Variants in PAH observed in about 807,000 individuals in gnomAD.
PAH encodes phenylalanine hydroxylase.
A neutral mutation model predicts 62.0 loss-of-function variants in PAH; 64 were observed. That is an observed-to-expected ratio of 1.03 (90% CI 0.84 to 1.27). PAH has a LOEUF of 1.27. PAH is among the 50% of genes most tolerant of loss of function. PAH has a pLI of 0.00. For missense variants in PAH, 579 were observed against 542.8 expected (o/e 1.07, Z -0.66); for synonymous variants, 195 against 196.2 (o/e 0.99, Z 0.05).
At chr12:102,911,728 C>T (rs949623972) in intron 2 of PAH, among the ~76,000 whole-genome samples, 1 of 152,204 alleles carries the variant, frequency 6.6e-6, no homozygotes, top group African/African-American at 2.4e-5. Flanking sequence ...ACCCACAGTG[C>T]TGAGAACATC....
chr12:102,955,064 T>A (rs1438263022), upstream of PAH, among the ~76,000 whole-genome samples: 1 of 152,224 alleles, frequency 6.6e-6, no homozygotes, highest in African/African-American at 2.4e-5. Context: ...CTGGCGGTTT[T>A]GGCCAGAAGG....
chr12:102,918,212 A>G (rs2136735725), upstream of PAH, among the ~76,000 whole-genome samples: 1 of 152,346 alleles, frequency 6.6e-6, no homozygotes. Flanking sequence ...CCACACTTTT[A>G]GAGAAGACTG....
chr12:102,958,290 C>T lies in PAH; in HGVS notation c.-191G>A, dbSNP rs1448434640. ...GGAGAGCGGCGGCGCCGGCCAGCAG[C>T]CCCAGCCGCAGCCCCAGCAGCCCTT... On this transcript the variant is annotated 5_prime_UTR_variant, in exon 1 of 5. Transcript: ENST00000551337. 4.7e-6 allele frequency: 7 copies of T among 1,479,164 alleles called. No homozygotes were observed. In the Middle Eastern group the frequency reaches 8.8e-4, roughly 186 times the overall value. The allele number at this position is 1,479,164 out of a possible 1,614,324, so 91.6% of individuals were successfully genotyped here. A position where few individuals can be genotyped will look rare whatever the true frequency, so the allele number is the denominator to read the frequency against.
At chr12:102,920,596 C>T (rs1464291394), upstream of PAH, among the ~76,000 whole-genome samples, 1 of 152,196 alleles carries the variant, frequency 6.6e-6, no homozygotes, top group South Asian at 2.1e-4. Flanking sequence ...TGACCCTTCT[C>T]TTGTTTTTTT....
chr12:102,942,374 A>T (rs1879326490), intron 1 of PAH, among the ~76,000 whole-genome samples: 1 of 152,190 alleles, frequency 6.6e-6, no homozygotes, highest in Non-Finnish European at 1.5e-5. Flanking sequence ...GAGGTGAAAG[A>T]TCTCTACAAT....
At chr12:102,950,207 CCT>C (rs1441307618) in intron 1 of PAH, 1 of 152,238 alleles carries the variant, frequency 6.6e-6, no homozygotes, top group Non-Finnish European at 1.5e-5. Context: ...TCCTTCTCTT[CCT>C]CTCTCTTCCT....
intron 1 of PAH, among the ~76,000 whole-genome samples, chr12:102,947,767 C>G (rs1453493552): frequency 3.3e-5 from 5 of 152,106 alleles, no homozygotes; most frequent in Admixed American, 3.3e-4. Context: ...AAAAAAGAAC[C>G]AGTAAGAAAT....
At chr12:102,895,869 A>AAAAAAAAAAATATATATATAT (rs953209518) in intron 2 of PAH, among the ~76,000 whole-genome samples, 1 of 118,742 alleles carries the variant, frequency 8.4e-6, no homozygotes, top group African/African-American at 3.6e-5. Context: ...AAAAAAAAAA[A>AAAAAAAAAAATATATATATAT]ATATATATAT....
intron 1 of PAH, among the ~76,000 whole-genome samples, 158 bp from the exon 2 acceptor site, chr12:102,913,056 T>C (rs1165891205): frequency 6.6e-6 from 1 of 152,156 alleles, no homozygotes; most frequent in African/African-American, 2.4e-5. Flanking sequence ...TGTAGTGTGG[T>C]GGAAAATAAG....
chr12:102,841,629 A>T (rs899747520), intron 11 of PAH, among the ~76,000 whole-genome samples: 2 of 152,216 alleles, frequency 1.3e-5, no homozygotes, highest in African/African-American at 4.8e-5. Flanking sequence ...TTCATGAAGA[A>T]CAAATGGCCA....
intron 11 of PAH, among the ~76,000 whole-genome samples, chr12:102,842,930 A>G (rs1308853023): frequency 6.6e-6 from 1 of 152,196 alleles, no homozygotes; most frequent in Non-Finnish European, 1.5e-5. Flanking sequence ...ATTCATGTCC[A>G]GGTGGACCCT....
At chr12:102,926,913 A>C (rs1458979657) in intron 1 of PAH, among the ~76,000 whole-genome samples, 2 of 148,720 alleles carry the variant, frequency 1.3e-5, no homozygotes, top group East Asian at 3.8e-4. Flanking sequence ...GCTTGAAGTC[A>C]GTCATAGAGT....
intron 8 of PAH, among the ~76,000 whole-genome samples, chr12:102,848,315 A>C (rs930692581): frequency 2.1e-5 from 3 of 142,050 alleles, no homozygotes; most frequent in African/African-American, 9.3e-5. Context: ...ACACCAGGAG[A>C]CTGGAGAGGT....
chr12:102,879,060 G>A (rs553750773), intron 3 of PAH, among the ~76,000 whole-genome samples: 17 of 152,152 alleles, frequency 1.1e-4, no homozygotes, highest in Middle Eastern at 3.4e-3. Context: ...ATCAGCATGC[G>A]GTCTGGCTTA....
chr12:102,900,200 T>C (rs61942044), intron 2 of PAH, among the ~76,000 whole-genome samples: 49,058 of 151,164 alleles, frequency 0.32, 8,523 homozygotes, highest in Admixed American at 0.44. Context: ...CTGGCACCTG[T>C]CACCACGCCT....
intron 3 of PAH, among the ~76,000 whole-genome samples, chr12:102,890,285 G>T (rs1263437745): frequency 6.6e-6 from 1 of 152,182 alleles, no homozygotes; most frequent in East Asian, 1.9e-4. Context: ...AATAAAAAGG[G>T]CATTTTGTCC....
intron 4 of PAH, among the ~76,000 whole-genome samples, chr12:102,872,246 C>T (rs1876376658): frequency 6.6e-6 from 1 of 152,036 alleles, no homozygotes; most frequent in Non-Finnish European, 1.5e-5. Context: ...GAACATTAAT[C>T]ACTTGTGCAT....
Position 102,938,984 on chromosome 12 carries a change from A to C in PAH, c.-96+11605T>G, listed in dbSNP as rs568707504. On this transcript the variant is annotated intron_variant, in intron 1 of 3. Coordinates refer to the PAH transcript ENST00000546844. ...CTGCCATTGCCACGGCAGCATATCA[A>C]CTCTTTCTGCTCTTGGGTTGGGGAA... Among the ~76,000 whole-genome samples, 14 of 151,072 alleles carry C rather than the reference A, an allele frequency of 9.3e-5. No individual in the cohort carries two copies. In the South Asian group the frequency reaches 2.9e-3, roughly 32 times the overall value.
Position 102,957,933 on chromosome 12 carries a change from G to A in PAH, c.-96+262C>T, listed in dbSNP as rs1187612567. The A allele has an allele frequency of 7.1e-6, 2 of 280,368 alleles. No homozygotes were observed. Among genetic ancestry groups the A allele is most frequent in the Non-Finnish European group, 1.3e-5 (2 of 151,632 alleles). 17.4% of individuals were successfully genotyped at this position (280,368 alleles called of 1,614,324 possible). ...TTTTTTTTTTCTTAGAAACAAGAAGGCGCCAGCGGCAGCCTCACACGCGAG... is the reference window on the plus strand; with the variant it reads ...TTTTTTTTTTCTTAGAAACAAGAAGACGCCAGCGGCAGCCTCACACGCGAG... On this transcript the variant is annotated intron_variant, in intron 1 of 4. Transcript: ENST00000551337. The surrounding 1 kb of genome is among the most constrained non-coding windows in gnomAD (Gnocchi z 4.1).
Sources: gnomAD v4.1 joint callset for allele counts (sites outside exome capture counted in the v4.1 genomes callset) on GRCh38, gnomAD v4.1.1 for gene constraint, Gnocchi (gnomAD v3.1) non-coding constraint, MANE v1.5 for transcripts, NCBI Gene and HGNC (gene_info 2026-07-23, HGNC 2026-07-21) for gene names.